PSMA4: variants seen among roughly 807,000 people sequenced by gnomAD.
PSMA4 encodes proteasome subunit alpha type-4.
Under a neutral mutation model 37.2 loss-of-function variants are expected in PSMA4, and 8 were observed. That is an observed-to-expected ratio of 0.22 (90% CI 0.13 to 0.39). The LOEUF (loss-of-function observed/expected upper bound fraction) is 0.39. Ranked by LOEUF, PSMA4 falls within the 10% of genes least tolerant of loss-of-function variation. PSMA4 has a pLI of 1.00. For synonymous variants in PSMA4, 93 were observed against 98.8 expected, an observed-to-expected ratio of 0.94 and a Z score of 0.35; for missense variants, 169 against 305.1, an observed-to-expected ratio of 0.55 and a Z score of 3.32.
At chr15:78,546,729 G>A (rs776703302) in intron 8 of PSMA4, 31 bp downstream of exon 8, 60 of 1,570,146 alleles carry the variant, frequency 3.8e-5, no homozygotes, top group Middle Eastern at 1.7e-4. Flanking sequence ...TAATTCTTTC[G>A]ACTGAGTGAG....
At chr15:78,546,812 C>G in intron 8 of PSMA4, 114 bp downstream of exon 8, 1 of 1,176,224 alleles carries the variant, frequency 8.5e-7, no homozygotes. Context: ...TGTTGCCAGG[C>G]TGGAGTGCAG....
chr15:78,542,690 T>C lies in PSMA4; in HGVS notation c.209+45T>C, dbSNP rs768366363. On this transcript the variant is annotated intron_variant, in intron 4 of 8. Coordinates refer to ENST00000044462, the MANE Select transcript of PSMA4 (RefSeq NM_002789.6). ...AGAGTTTAAAAAAAATCTCACTTTC[T>C]CACATAAGTGGGATCTATGTAATTT... 10 of 1,526,802 alleles carry C rather than the reference T, an allele frequency of 6.5e-6. No homozygotes were observed. In the South Asian group the frequency reaches 1.2e-4, roughly 18 times the overall value. The allele number at this position is 1,526,802 out of a possible 1,614,324, so 94.6% of individuals were successfully genotyped here.
chr15:78,544,832 A>C, intron 5 of PSMA4, 37 bp from the exon 6 acceptor site: 1 of 1,398,782 alleles, frequency 7.1e-7, no homozygotes, highest in Non-Finnish European at 1.0e-6. Context: ...TCTGTGTTTT[A>C]GAGAAAACTA....
In PSMA4 at chr15:78,547,213, G is replaced by A. The variant is rs1354324387; in HGVS notation, c.631+515G>A. Among the ~76,000 whole-genome samples, 20 of 152,152 alleles carry A rather than the reference G, an allele frequency of 1.3e-4. 1 individual carries two copies. The highest frequency in any genetic ancestry group is 1.2e-3 in the Admixed American group (19 of 15,278). On this transcript the variant is annotated intron_variant, in intron 8 of 8. Coordinates refer to ENST00000044462, the MANE Select transcript of PSMA4 (RefSeq NM_002789.6). ...ACCAAGATCAACATTGGTAAATTGTGGAGTCACAATCTCACACTGTATTCC... is the reference window on the plus strand; with the variant it reads ...ACCAAGATCAACATTGGTAAATTGTAGAGTCACAATCTCACACTGTATTCC...
Position 78,544,891 on chromosome 15 carries a change from C to G in PSMA4, c.310C>G (p.Pro104Ala). ...AQRYLLQYQE[P>A]IPCEQLVTAL... Reference sequence around the variant, plus strand: ...TAGGTATTTATTACAGTATCAGGAGCCAATACCTTGTGAGCAGTTGGTTAC... The same window carrying G: ...TAGGTATTTATTACAGTATCAGGAGGCAATACCTTGTGAGCAGTTGGTTAC... Residue 104 changes from proline (P) to alanine (A), a missense_variant, in exon 6 of 9, where the codon CCA becomes GCA. Transcript: ENST00000044462. 1.2e-6 allele frequency: 2 copies of G among 1,609,562 alleles called. No individual in the cohort carries two copies. The highest frequency in any genetic ancestry group is 1.3e-5 in the African/African-American group (1 of 74,880).
chr15:78,546,482 G>T, intron 7 of PSMA4, 93 bp from the exon 8 acceptor site: 2 of 1,132,440 alleles, frequency 1.8e-6, no homozygotes, highest in Non-Finnish European at 2.5e-6. Flanking sequence ...TACTTGTAAT[G>T]CCAATAATAA....
intron 4 of PSMA4, 81 bp downstream of exon 4, chr15:78,542,726 T>C (rs930514833): frequency 3.2e-5 from 41 of 1,299,182 alleles, no homozygotes; most frequent in Non-Finnish European, 4.2e-5. Flanking sequence ...GGGAGGGCTC[T>C]TCCGTGCGAT....
intron 2 of PSMA4, 87 bp from the exon 3 acceptor site, chr15:78,542,082 TATACCAGG>T (rs1330584042): frequency 8.9e-6 from 13 of 1,467,854 alleles, no homozygotes; most frequent in Non-Finnish European, 1.2e-5. Flanking sequence ...TTGAACTTTG[TATACCAGG>T]ATAGGTTTTG....
Position 78,551,847 on chromosome 15 carries a change from A to G in PSMA4, c.*2903A>G, listed in dbSNP as rs1319502459. On this transcript the variant is annotated 3_prime_UTR_variant, in exon 9 of 9. Coordinates refer to ENST00000044462, the MANE Select transcript of PSMA4 (RefSeq NM_002789.6). Reference sequence around the variant, plus strand: ...TCAACATTTGCCTAAAGCTAGGACAACTTCTTCAAAGGCAATAGTGAATAA... The same window carrying G: ...TCAACATTTGCCTAAAGCTAGGACAGCTTCTTCAAAGGCAATAGTGAATAA... The G allele has an allele frequency of 1.9e-4, 29 of 152,106 alleles. No individual in the cohort carries two copies. The highest frequency in any genetic ancestry group is 1.9e-3 in the Admixed American group (29 of 15,278). The allele number at this position is 152,106 out of a possible 1,614,324, so 9.4% of individuals were successfully genotyped here. A position where few individuals can be genotyped will look rare whatever the true frequency, so the allele number is the denominator to read the frequency against.
At chr15:78,545,875 T>C (rs2052543522) in intron 7 of PSMA4, 111 bp downstream of exon 7, 5 of 1,165,644 alleles carry the variant, frequency 4.3e-6, no homozygotes, top group African/African-American at 1.5e-5. Flanking sequence ...ACAACCTTAA[T>C]GTGATATGGA....
In PSMA4 at chr15:78,542,237, T is replaced by A; in HGVS notation, c.46+18T>A. 3 of 1,582,160 alleles carry A rather than the reference T, an allele frequency of 1.9e-6. No homozygotes were observed. Among genetic ancestry groups the A allele is most frequent in the South Asian group, 1.2e-5 (1 of 85,422 alleles). On this transcript the variant is annotated intron_variant, in intron 3 of 8. Coordinates refer to ENST00000044462, the MANE Select transcript of PSMA4 (RefSeq NM_002789.6). ...TCCAGAAGGTAAAATAGAAATTGTT[T>A]AATCTGCCTCAAGTTTAAAAATAAA... is the stretch of plus-strand genomic sequence containing the variant.
chr15:78,542,785 G>T, intron 4 of PSMA4, 140 bp downstream of exon 4: 1 of 765,654 alleles, frequency 1.3e-6, no homozygotes, highest in African/African-American at 1.8e-5. Context: ...CCTCTTTGAG[G>T]CCTGGTACCA....
At chr15:78,545,543 G>A in intron 6 of PSMA4, 91 bp from the exon 7 acceptor site, 1 of 1,406,502 alleles carries the variant, frequency 7.1e-7, no homozygotes, top group Non-Finnish European at 1.0e-6. Flanking sequence ...AGTTCACAGA[G>A]TAGGGTTTAG....
chr15:78,544,229 T>A lies in PSMA4; in HGVS notation c.249T>A (p.Ala83=). The change falls in exon 5 of 9, where the codon GCT becomes GCA. Residue 83 remains alanine (A), a synonymous_variant. Coordinates refer to ENST00000044462, the MANE Select transcript of PSMA4 (RefSeq NM_002789.6). ...GTGTGGCAGGCATAACTTCTGATGC[T>A]AATGTTCTGACTAATGAACTAAGGC... The part of the protein sequence containing the change: ...ACSVAGITSD[A]NVLTNELRLI... 1.2e-6 allele frequency: 2 copies of A among 1,613,970 alleles called. No individual in the cohort carries two copies. Among genetic ancestry groups the A allele is most frequent in the Non-Finnish European group, 1.7e-6 (2 of 1,179,838 alleles).
Position 78,548,893 on chromosome 15 carries a change from C to G in PSMA4, c.735C>G (p.Ala245=), listed in dbSNP as rs763990747. 2 of 1,610,642 alleles carry G rather than the reference C, an allele frequency of 1.2e-6. No individual in the cohort carries two copies. Among genetic ancestry groups the G allele is most frequent in the Non-Finnish European group, 1.7e-6 (2 of 1,178,516 alleles). The stretch of plus-strand genomic sequence containing the variant: ...TCAAAAAACATGAGGAAGAAGAAGC[C>G]AAAGCTGAGCGTGAGAAGAAAGAAA... The part of the protein sequence containing the change: ...QLIKKHEEEE[A]KAEREKKEKE... Residue 245 remains alanine (A), a synonymous_variant, in exon 9 of 9, where the codon GCC becomes GCG. Transcript: ENST00000044462.
At position 78,544,247 on chromosome 15, in the gene PSMA4, A is replaced by AC; in HGVS notation, c.268dup (p.Leu90ProfsTer19). The AC allele has an allele frequency of 6.2e-7, 1 of 1,612,544 alleles. No individual in the cohort carries two copies. Among genetic ancestry groups the AC allele is most frequent in the Non-Finnish European group, 8.5e-7 (1 of 1,178,772 alleles). On this transcript the variant is annotated frameshift_variant, in exon 5 of 9. Transcript: ENST00000044462. LOFTEE classifies it high-confidence loss of function. ...CTGATGCTAATGTTCTGACTAATGAACTAAGGCTCATTGCTCAAAGGTATG... is the reference window on the plus strand; with the variant it reads ...CTGATGCTAATGTTCTGACTAATGAACCTAAGGCTCATTGCTCAAAGGTATG...
chr15:78,546,477 G>T (rs2052554743), intron 7 of PSMA4, 98 bp from the exon 8 acceptor site: 9 of 1,048,528 alleles, frequency 8.6e-6, no homozygotes, highest in Non-Finnish European at 1.1e-5. Flanking sequence ...GTTTATACTT[G>T]TAATGCCAAT....
chr15:78,542,234 G>T lies in PSMA4; in HGVS notation c.46+15G>T. On this transcript the variant is annotated intron_variant, in intron 3 of 8. Transcript: ENST00000044462. ...TTCTCCAGAAGGTAAAATAGAAATT[G>T]TTTAATCTGCCTCAAGTTTAAAAAT... 6.3e-7 allele frequency: 1 copy of T among 1,584,182 alleles called. No homozygotes were observed. The highest frequency in any genetic ancestry group is 8.6e-7 in the Non-Finnish European group (1 of 1,168,622).
chr15:78,551,946 C>A lies in PSMA4; in HGVS notation c.*3002C>A, dbSNP rs1451509835. Reference sequence around the variant, plus strand: ...GACCCTAACAGCAGGCAAATTTCAACGTATTCATCTTTTTGTTGAAATAAA... The same window carrying A: ...GACCCTAACAGCAGGCAAATTTCAAAGTATTCATCTTTTTGTTGAAATAAA... On this transcript the variant is annotated 3_prime_UTR_variant, in exon 9 of 9. Coordinates refer to ENST00000044462, the MANE Select transcript of PSMA4 (RefSeq NM_002789.6). 3 of 152,136 alleles carry A rather than the reference C, an allele frequency of 2.0e-5. No homozygotes were observed. The highest frequency in any genetic ancestry group is 4.4e-5 in the Non-Finnish European group (3 of 68,022). 9.4% of individuals were successfully genotyped at this position (152,136 alleles called of 1,614,324 possible).
Sources: allele counts gnomAD v4.1 joint callset (sites outside exome capture counted in the v4.1 genomes callset), GRCh38; gene constraint gnomAD v4.1.1; transcripts MANE v1.5; gene names NCBI Gene and HGNC (gene_info 2026-07-23, HGNC 2026-07-21).